The following TCF12 variants were observed in gnomAD, a reference collection of about 807,000 sequenced individuals.
The protein encoded by TCF12 is transcription factor 12.
A neutral mutation model predicts 86.0 loss-of-function variants in TCF12; 45 were observed. The ratio of observed to expected loss-of-function variants is 0.52; its 90% CI spans 0.41 to 0.67. The LOEUF (loss-of-function observed/expected upper bound fraction) is 0.67. TCF12 is among the 30% of genes least tolerant of loss of function. The pLI is 0.00. For synonymous variants in TCF12, 330 were observed against 299.6 expected (o/e 1.10, Z -1.05); for missense variants, 881 against 859.9 (o/e 1.02, Z -0.31).
chr15:57,210,543 TTAGA>T (rs2058059685), intron 8 of TCF12, among the ~76,000 whole-genome samples: 5 of 152,108 alleles, frequency 3.3e-5, no homozygotes, highest in Admixed American at 3.3e-4. Context: ...ATAGGAATTA[TTAGA>T]TAGGAATTAG....
intron 6 of TCF12, among the ~76,000 whole-genome samples, chr15:57,167,692 G>A (rs1054765991): frequency 1.3e-5 from 2 of 152,108 alleles, no homozygotes; most frequent in African/African-American, 4.8e-5. Flanking sequence ...TGGCAAATAG[G>A]CATGGTCTGA....
intron 3 of TCF12, among the ~76,000 whole-genome samples, chr15:56,968,063 T>G (rs1462105944): frequency 6.6e-6 from 1 of 152,092 alleles, no homozygotes; most frequent in Non-Finnish European, 1.5e-5. Context: ...TTCAAATGAT[T>G]CTTGTGCTTC....
chr15:57,021,668 A>G (rs1232179220), intron 3 of TCF12, among the ~76,000 whole-genome samples: 1 of 152,132 alleles, frequency 6.6e-6, no homozygotes, highest in African/African-American at 2.4e-5. Flanking sequence ...AACCTAACAG[A>G]TAGGAGTTCT....
intron 3 of TCF12, among the ~76,000 whole-genome samples, chr15:56,986,523 G>T (rs1032817530): frequency 6.6e-6 from 1 of 152,108 alleles, no homozygotes; most frequent in Non-Finnish European, 1.5e-5. Flanking sequence ...CAAAAAAGCA[G>T]CTCAGCTTAA....
At chr15:57,056,661 G>A (rs2068054331) in intron 3 of TCF12, among the ~76,000 whole-genome samples, 1 of 151,966 alleles carries the variant, frequency 6.6e-6, no homozygotes, top group African/African-American at 2.4e-5. Flanking sequence ...GTTTTGCCAT[G>A]TTGCTCAGGC....
rs570793748 is a variant in TCF12 at position 57,202,609 on chromosome 15, G to A, written c.579+4784G>A. On this transcript the variant is annotated intron_variant, in intron 8 of 20. Coordinates refer to ENST00000333725, the MANE Select transcript of TCF12 (RefSeq NM_207037.2). ...CACCACCACACCCGGCTAATTTTTC[G>A]TATTTTTAGTAGAGATGGGGTTTCA... Among the ~76,000 whole-genome samples, 21 of 151,774 alleles carry A rather than the reference G, an allele frequency of 1.4e-4. No homozygotes were observed. In the East Asian group the frequency reaches 2.1e-3, roughly 15 times the overall value.
At chr15:57,070,133 A>G (rs1034603599) in intron 4 of TCF12, among the ~76,000 whole-genome samples, 7 of 152,308 alleles carry the variant, frequency 4.6e-5, no homozygotes, top group African/African-American at 1.7e-4. Flanking sequence ...GTGATGATTT[A>G]GCTTTAAAAT....
At chr15:57,139,748 C>T (rs182239403) in intron 5 of TCF12, among the ~76,000 whole-genome samples, 1 of 151,922 alleles carries the variant, frequency 6.6e-6, no homozygotes, top group African/African-American at 2.4e-5. Context: ...AATATTAAAG[C>T]ATTTGCTATG....
At position 57,286,706 on chromosome 15, in the gene TCF12, G is replaced by T. The variant is rs2061946500; in HGVS notation, c.*561G>T. On this transcript the variant is annotated 3_prime_UTR_variant, in exon 21 of 21. Coordinates refer to ENST00000333725, the MANE Select transcript of TCF12 (RefSeq NM_207037.2). ...AAAAGGAAGGGAAAAGTCTTTTGTT[G>T]CCCTCTCCTATCCTCTTGCCATATG... 2.2e-6 allele frequency: 1 copy of T among 456,066 alleles called. No homozygotes were observed. The highest frequency in any genetic ancestry group is 1.6e-5 in the South Asian group (1 of 64,378). 28.3% of individuals were successfully genotyped at this position (456,066 alleles called of 1,614,324 possible). A position where few individuals can be genotyped will look rare whatever the true frequency, so the allele number is the denominator to read the frequency against.
At chr15:57,076,944 C>T (rs2070118665) in intron 4 of TCF12, among the ~76,000 whole-genome samples, 1 of 152,054 alleles carries the variant, frequency 6.6e-6, no homozygotes, top group Non-Finnish European at 1.5e-5. Context: ...CTTGTTATCT[C>T]TGTTAAAAAT....
intron 4 of TCF12, among the ~76,000 whole-genome samples, chr15:57,075,804 TTCTCTC>T (rs1244304206): frequency 3.5e-5 from 1 of 28,588 alleles, no homozygotes; most frequent in African/African-American, 1.4e-4. Context: ...CTTTCTTTCT[TTCTCTC>T]TCTCTCTCTC....
intron 4 of TCF12, among the ~76,000 whole-genome samples, chr15:57,082,269 G>A (rs1209727993): frequency 6.6e-6 from 1 of 152,164 alleles, no homozygotes; most frequent in African/African-American, 2.4e-5. Context: ...GATTCTAAAA[G>A]TCAGCAGCAG....
At chr15:57,197,152 CTTT>C (rs138145337) in intron 7 of TCF12, among the ~76,000 whole-genome samples, 6 of 87,254 alleles carry the variant, frequency 6.9e-5, no homozygotes, top group Admixed American at 3.3e-4. Context: ...AGAACAGCTT[CTTT>C]TTTTTTTTTT....
At chr15:57,258,461 A>G (rs761712098) in intron 16 of TCF12, among the ~76,000 whole-genome samples, 20 of 152,240 alleles carry the variant, frequency 1.3e-4, no homozygotes, top group Admixed American at 7.2e-4. Context: ...TCAGTCAGAC[A>G]GTAACTTCAA....
rs759369735 is a variant in TCF12 at position 56,919,886 on chromosome 15, C to T, written c.-22-6C>T. On this transcript the variant is annotated splice_polypyrimidine_tract_variant and splice_region_variant and intron_variant, in intron 1 of 20. Transcript: ENST00000333725. ...TCTCTCGCTGAGCCCGTTTCCTCTGCCCTAGGACCTGCTAGAAGTGGCCGA... is the reference window on the plus strand; with the variant it reads ...TCTCTCGCTGAGCCCGTTTCCTCTGTCCTAGGACCTGCTAGAAGTGGCCGA... 43 of 1,613,324 alleles carry T rather than the reference C, an allele frequency of 2.7e-5. No homozygotes were observed. Among genetic ancestry groups the T allele is most frequent in the Admixed American group, 8.3e-5 (5 of 59,960 alleles).
chr15:57,078,598 C>A (rs1194310769), intron 4 of TCF12, among the ~76,000 whole-genome samples: 2 of 151,998 alleles, frequency 1.3e-5, no homozygotes, highest in Non-Finnish European at 2.9e-5. Context: ...TATACATATG[C>A]ATTATCACAC....
At chr15:57,220,283 G>C (rs1246315100) in intron 8 of TCF12, among the ~76,000 whole-genome samples, 2 of 152,066 alleles carry the variant, frequency 1.3e-5, no homozygotes, top group Non-Finnish European at 2.9e-5. Flanking sequence ...TTGATGCTTT[G>C]TAGATGGAAG....
Position 57,240,500 on chromosome 15 carries a change from T to C in TCF12, c.1036-2972T>C, listed in dbSNP as rs149776678. Among the ~76,000 whole-genome samples, 183 of 152,328 alleles carry C rather than the reference T, an allele frequency of 1.2e-3. 1 individual carries two copies. The highest frequency in any genetic ancestry group is 8.7e-3 in the Admixed American group (133 of 15,298). On this transcript the variant is annotated intron_variant, in intron 12 of 20. Coordinates refer to ENST00000333725, the MANE Select transcript of TCF12 (RefSeq NM_207037.2). ...CCTTGCCAATATTGTAGTCAAGACA[T>C]ATTTCATAAAGATGAGCATCAATTG...
At chr15:57,122,424 C>G (rs1433739812) in intron 5 of TCF12, among the ~76,000 whole-genome samples, 2 of 152,144 alleles carry the variant, frequency 1.3e-5, no homozygotes, top group Non-Finnish European at 1.5e-5. Flanking sequence ...CAGCACATAC[C>G]TGTAAGCCAG....
Sources: allele counts gnomAD v4.1 joint callset (sites outside exome capture counted in the v4.1 genomes callset), GRCh38; gene constraint gnomAD v4.1.1; transcripts MANE v1.5; gene names NCBI Gene and HGNC (gene_info 2026-07-23, HGNC 2026-07-21).